The following SLC35E3 variants were observed in gnomAD, a reference collection of about 807,000 sequenced individuals.
The protein encoded by SLC35E3 is solute carrier family 35 member E3, also known as bladder cancer-overexpressed gene 1 protein.
In SLC35E3, 28 loss-of-function variants were observed where a neutral mutation model predicts 30.8. The ratio of observed to expected loss-of-function variants is 0.91; its 90% CI spans 0.67 to 1.25. SLC35E3 has a LOEUF of 1.25. SLC35E3 is among the 50% of genes most tolerant of loss of function. The pLI, the probability that SLC35E3 is intolerant of heterozygous loss-of-function variation, is 0.00. For synonymous variants in SLC35E3, 146 were observed against 149.2 expected (o/e 0.98, Z 0.16); for missense variants, 365 against 375.4 (o/e 0.97, Z 0.23).
chr12:68,757,697 A>G (rs1203858139), intron 3 of SLC35E3, among the ~76,000 whole-genome samples: 1 of 152,218 alleles, frequency 6.6e-6, no homozygotes, highest in Non-Finnish European at 1.5e-5. Context: ...AGTAGTTTCT[A>G]AGCTCTTTGA....
At chr12:68,759,930 G>C (rs1372342673) in intron 4 of SLC35E3, 1 of 152,232 alleles carries the variant, frequency 6.6e-6, no homozygotes, top group Admixed American at 6.5e-5. Flanking sequence ...GTAGAGGAAT[G>C]GTTAACAAAT....
In SLC35E3 at chr12:68,768,799, A is replaced by C. The variant is rs921383414; in HGVS notation, c.*3909A>C. The C allele has an allele frequency of 6.6e-5, 10 of 152,252 alleles. No individual in the cohort carries two copies. Among genetic ancestry groups the C allele is most frequent in the African/African-American group, 2.4e-4 (10 of 41,458 alleles). The allele number at this position is 152,252 out of a possible 1,614,324, so 9.4% of individuals were successfully genotyped here. ...GTCCAAATAAGCAGAAATGAATGAA[A>C]CAAAATTCCATCTCCTTTTAGAAAT... On this transcript the variant is annotated 3_prime_UTR_variant, in exon 5 of 5. Coordinates refer to ENST00000398004, the MANE Select transcript of SLC35E3 (RefSeq NM_018656.5).
chr12:68,750,483 T>C (rs541327966), intron 2 of SLC35E3, among the ~76,000 whole-genome samples: 34 of 152,346 alleles, frequency 2.2e-4, no homozygotes, highest in Non-Finnish European at 4.1e-4. Flanking sequence ...AACTTGCAGG[T>C]TCTGCAAAGA....
rs1005543645 is a variant in SLC35E3, at chr12:68,770,673, A to G, written c.*5783A>G. On this transcript the variant is annotated 3_prime_UTR_variant, in exon 5 of 5. Coordinates refer to ENST00000398004, the MANE Select transcript of SLC35E3 (RefSeq NM_018656.5). ...AACATGATGAAACCCCATCTCTACA[A>G]AGAATACAAAATTAGCTGGGCATGG... The G allele has an allele frequency of 3.3e-5, 5 of 152,088 alleles. No homozygotes were observed. Among genetic ancestry groups the G allele is most frequent in the Admixed American group, 6.6e-5 (1 of 15,252 alleles). The allele number at this position is 152,088 out of a possible 1,614,324, so 9.4% of individuals were successfully genotyped here. A position where few individuals can be genotyped will look rare whatever the true frequency, so the allele number is the denominator to read the frequency against.
intron 4 of SLC35E3, among the ~76,000 whole-genome samples, chr12:68,761,255 G>A (rs1879223187): frequency 6.6e-6 from 1 of 152,160 alleles, no homozygotes; most frequent in African/African-American, 2.4e-5. Flanking sequence ...CATTCTAATA[G>A]AAGCACTCAG....
rs1024630353 is a variant in SLC35E3, at chr12:68,771,463, A to C, written c.*6573A>C. The C allele has an allele frequency of 6.6e-6, 1 of 152,148 alleles. No individual in the cohort carries two copies. The highest frequency in any genetic ancestry group is 2.4e-5 in the African/African-American group (1 of 41,442). The allele number at this position is 152,148 out of a possible 1,614,324, so 9.4% of individuals were successfully genotyped here. ...GAACAGACTATAACTGAAGTTGAGG[A>C]ACTCTGGTATACAATGATAGAACAT... is the stretch of plus-strand genomic sequence containing the variant. On this transcript the variant is annotated 3_prime_UTR_variant, in exon 5 of 5. Coordinates refer to ENST00000398004, the MANE Select transcript of SLC35E3 (RefSeq NM_018656.5).
rs1878553388 is a variant in SLC35E3, at chr12:68,746,362, C to A, written c.-16C>A. ...CGCCCCTTCCGAGGCTAGACGGCCC[C>A]AGCTTCGCGGGGATCATGGCATTGC... On this transcript the variant is annotated 5_prime_UTR_variant, in exon 1 of 5. Coordinates refer to ENST00000398004, the MANE Select transcript of SLC35E3 (RefSeq NM_018656.5). 6.5e-7 allele frequency: 1 copy of A among 1,549,578 alleles called. No individual in the cohort carries two copies. Among genetic ancestry groups the A allele is most frequent in the Non-Finnish European group, 8.7e-7 (1 of 1,147,210 alleles).
rs555615765 is a variant in SLC35E3 at position 68,765,458 on chromosome 12, A to G, written c.*568A>G. The G allele has an allele frequency of 1.3e-5, 2 of 151,756 alleles. No homozygotes were observed. Among genetic ancestry groups the G allele is most frequent in the African/African-American group, 4.8e-5 (2 of 41,322 alleles). The allele number at this position is 151,756 out of a possible 1,614,324, so 9.4% of individuals were successfully genotyped here. ...AATGGTTAGCCTGGTGTGGTGGTGC[A>G]CACCTGTAATCCCAGCTACTTGGGA... is the stretch of plus-strand genomic sequence containing the variant. On this transcript the variant is annotated 3_prime_UTR_variant, in exon 5 of 5. Transcript: ENST00000398004.
At chr12:68,762,027 C>G (rs755635467) in intron 4 of SLC35E3, among the ~76,000 whole-genome samples, 12 of 152,010 alleles carry the variant, frequency 7.9e-5, no homozygotes, top group Non-Finnish European at 1.8e-4. Context: ...GTGGCGCGAT[C>G]ATGGTTCACT....
Position 68,748,007 on chromosome 12 carries a change from T to A in SLC35E3, c.480T>A (p.Ala160=), listed in dbSNP as rs771053177. The stretch of plus-strand genomic sequence containing the variant: ...ATTTCCTTGGAATGGTGTTTGCTGC[T>A]CTTGGTGTTTTAGTTACATCCCTTT... ...KFNFLGMVFA[A]LGVLVTSLYQ... The change falls in exon 2 of 5, where the codon GCT becomes GCA. Residue 160 remains alanine, a synonymous_variant. Transcript: ENST00000398004. 17 of 1,611,524 alleles carry A rather than the reference T, an allele frequency of 1.1e-5. No homozygotes were observed. The highest frequency in any genetic ancestry group is 1.7e-5 in the Admixed American group (1 of 59,978).
intron 4 of SLC35E3, 51 bp from the exon 5 acceptor site, chr12:68,764,653 A>G: frequency 6.4e-7 from 1 of 1,564,940 alleles, no homozygotes; most frequent in Non-Finnish European, 8.7e-7. Flanking sequence ...GTGTGTGTAA[A>G]TATTAACATC....
chr12:68,776,813 A>G lies in SLC35E3; in HGVS notation c.*11923A>G, dbSNP rs1343386151. The G allele has an allele frequency of 6.6e-6, 1 of 152,220 alleles. No individual in the cohort carries two copies. Among genetic ancestry groups the G allele is most frequent in the Non-Finnish European group, 1.5e-5 (1 of 68,056 alleles). The allele number at this position is 152,220 out of a possible 1,614,324, so 9.4% of individuals were successfully genotyped here. On this transcript the variant is annotated 3_prime_UTR_variant, in exon 5 of 5. Transcript: ENST00000398004. ...CATGTAGATTCATAAATGGCGTCCA[A>G]ACCTGGAGCTGTTGCTGGCTTGGAA...
chr12:68,753,897 C>G lies in SLC35E3; in HGVS notation c.672+1707C>G, dbSNP rs181159964. ...ATGGAGTCTCACTCTGTCGCCCAGG[C>G]TGGAGTGCAGTGGTGCAATTCTTGG... On this transcript the variant is annotated intron_variant, in intron 3 of 4. Transcript: ENST00000398004. Among the ~76,000 whole-genome samples the G allele has an allele frequency of 2.2e-3, 338 of 152,130 alleles. 1 individual carries two copies. Among genetic ancestry groups the G allele is most frequent in the Admixed American group, 3.8e-3 (58 of 15,274 alleles).
At chr12:68,757,046 C>T (rs1879044869) in intron 3 of SLC35E3, among the ~76,000 whole-genome samples, 1 of 152,142 alleles carries the variant, frequency 6.6e-6, no homozygotes, top group Non-Finnish European at 1.5e-5. Context: ...ATGATCATCT[C>T]AATAGATGCA....
At chr12:68,748,079 A>C in intron 2 of SLC35E3, 39 bp downstream of exon 2, 1 of 1,138,506 alleles carries the variant, frequency 8.8e-7, no homozygotes, top group Non-Finnish European at 1.3e-6. Flanking sequence ...TTTTTAGCAG[A>C]TTTCATAAAT....
intron 4 of SLC35E3, among the ~76,000 whole-genome samples, chr12:68,761,760 G>A (rs1879239456): frequency 6.6e-6 from 1 of 152,176 alleles, no homozygotes; most frequent in Admixed American, 6.5e-5. Context: ...AGTAAGAAGT[G>A]ATTGGATTCT....
intron 1 of SLC35E3, among the ~76,000 whole-genome samples, 158 bp downstream of exon 1, chr12:68,746,937 G>A (rs1429486020): frequency 1.3e-5 from 2 of 152,222 alleles, no homozygotes; most frequent in Non-Finnish European, 2.9e-5. Flanking sequence ...TAGGGAGGGG[G>A]AAAAGGCCAT....
chr12:68,752,930 G>C (rs1592536406), intron 3 of SLC35E3, among the ~76,000 whole-genome samples: 1 of 151,674 alleles, frequency 6.6e-6, no homozygotes, highest in East Asian at 1.9e-4. Flanking sequence ...CAAATCACCT[G>C]AGGTCAGGAG....
intron 2 of SLC35E3, among the ~76,000 whole-genome samples, chr12:68,748,504 T>C (rs893052053): frequency 1.3e-5 from 2 of 152,058 alleles, no homozygotes; most frequent in Admixed American, 6.5e-5. Context: ...CTTTTAATAA[T>C]GTGTCTAATA....
Sources: allele counts gnomAD v4.1 joint callset (sites outside exome capture counted in the v4.1 genomes callset), GRCh38; gene constraint gnomAD v4.1.1; transcripts MANE v1.5; gene names NCBI Gene and HGNC (gene_info 2026-07-23, HGNC 2026-07-21).